The following IL1RAPL1 variants were observed in gnomAD, a reference collection of about 807,000 sequenced individuals.
IL1RAPL1 encodes the protein interleukin-1 receptor accessory protein-like 1.
Under a neutral mutation model 48.4 loss-of-function variants are expected in IL1RAPL1, and 3 were observed. The observed-to-expected ratio is 0.06, with a 90% confidence interval of 0.03 to 0.16. IL1RAPL1 has a LOEUF of 0.16. Ranked by LOEUF, IL1RAPL1 falls within the 10% of genes least tolerant of loss-of-function variation. The pLI is 1.00. For missense variants in IL1RAPL1, 349 were observed against 530.6 expected (o/e 0.66, Z 3.36); for synonymous variants, 185 against 187.7 (o/e 0.99, Z 0.12).
intron 5 of IL1RAPL1, among the ~76,000 whole-genome samples, chrX:29,610,783 G>A (rs994444897): frequency 3.6e-5 from 4 of 112,239 alleles, no homozygotes; most frequent in African/African-American, 9.7e-5. Context: ...TGCAGGAGCC[G>A]GGGCAAGCAC....
intron 6 of IL1RAPL1, among the ~76,000 whole-genome samples, chrX:29,745,067 C>T (rs749903432): frequency 9.0e-4 from 101 of 111,781 alleles, no homozygotes; most frequent in Non-Finnish European, 1.4e-3. Flanking sequence ...ATGAAGGAGA[C>T]TAAATAGACA....
intron 2 of IL1RAPL1, among the ~76,000 whole-genome samples, chrX:28,985,815 T>A (rs961875636): frequency 1.7e-4 from 19 of 109,454 alleles, no homozygotes; most frequent in South Asian, 4.0e-4. Context: ...GCCCGCCACC[T>A]CGCCCGGCTA....
intron 2 of IL1RAPL1, among the ~76,000 whole-genome samples, chrX:28,952,957 T>C (rs1000305998): frequency 1.8e-5 from 2 of 111,776 alleles, no homozygotes; most frequent in African/African-American, 6.5e-5. Flanking sequence ...GTTTTACACA[T>C]TAATGAAAGT....
At chrX:28,974,093 GA>G (rs1320760181) in intron 2 of IL1RAPL1, among the ~76,000 whole-genome samples, 1 of 111,681 alleles carries the variant, frequency 9.0e-6, no homozygotes, top group Admixed American at 9.5e-5. Flanking sequence ...TGCAGAGGGG[GA>G]CCAAGGGCTC....
intron 2 of IL1RAPL1, among the ~76,000 whole-genome samples, chrX:29,111,955 C>T (rs113822340): frequency 1.3e-5 from 1 of 77,848 alleles, no homozygotes; most frequent in African/African-American, 4.8e-5. Context: ...TTTGAGACGG[C>T]GTCTCACTCT....
chrX:29,543,112 C>T (rs1173016500), intron 5 of IL1RAPL1, among the ~76,000 whole-genome samples: 4 of 64,366 alleles, frequency 6.2e-5, no homozygotes, highest in East Asian at 6.7e-4. Flanking sequence ...GCAATCTGTT[C>T]GTTTCTCTCT....
intron 1 of IL1RAPL1, among the ~76,000 whole-genome samples, chrX:28,620,066 G>A (rs1333871890): frequency 9.1e-6 from 1 of 109,996 alleles, no homozygotes; most frequent in Non-Finnish European, 1.9e-5. Flanking sequence ...GCTCTGAGAA[G>A]TCCTGCAGTT....
At chrX:29,664,848 C>G (rs1925955383) in intron 5 of IL1RAPL1, among the ~76,000 whole-genome samples, 1 of 112,128 alleles carries the variant, frequency 8.9e-6, no homozygotes, top group Admixed American at 9.4e-5. Flanking sequence ...TTCATGTGTT[C>G]TGACTTCTAG....
intron 5 of IL1RAPL1, among the ~76,000 whole-genome samples, chrX:29,524,876 A>G: frequency 8.9e-6 from 1 of 112,298 alleles, no homozygotes; most frequent in East Asian, 2.8e-4. Context: ...TAAGATGACT[A>G]TCATTGCCAT....
At chrX:29,393,744 G>A (rs920555596) in intron 3 of IL1RAPL1, among the ~76,000 whole-genome samples, 1 of 107,253 alleles carries the variant, frequency 9.3e-6, no homozygotes, top group African/African-American at 3.4e-5. Flanking sequence ...TTAATTCTGT[G>A]TTCTACAAAT....
intron 6 of IL1RAPL1, among the ~76,000 whole-genome samples, chrX:29,682,585 T>C (rs1204294115): frequency 8.9e-6 from 1 of 112,158 alleles, no homozygotes; most frequent in Non-Finnish European, 1.9e-5. Context: ...TTTGTACATA[T>C]TTTTGTGTGT....
intron 5 of IL1RAPL1, among the ~76,000 whole-genome samples, chrX:29,556,270 A>G (rs191519598): frequency 8.9e-6 from 1 of 112,215 alleles, no homozygotes; most frequent in East Asian, 2.8e-4. Flanking sequence ...TTTTCTCTTG[A>G]ACTATATATG....
chrX:29,091,927 T>A (rs1928099614), intron 2 of IL1RAPL1, among the ~76,000 whole-genome samples: 1 of 111,578 alleles, frequency 9.0e-6, no homozygotes, highest in Non-Finnish European at 1.9e-5. Flanking sequence ...CTGATTTTCT[T>A]AAAGATGGTC....
At chrX:29,051,011 C>A (rs187076889) in intron 2 of IL1RAPL1, among the ~76,000 whole-genome samples, 1 of 112,395 alleles carries the variant, frequency 8.9e-6, no homozygotes, top group East Asian at 2.8e-4. Flanking sequence ...TTAAATAACA[C>A]CATAGAAAAA....
At chrX:29,025,162 A>C (rs1176633231) in intron 2 of IL1RAPL1, among the ~76,000 whole-genome samples, 1 of 112,373 alleles carries the variant, frequency 8.9e-6, no homozygotes, top group African/African-American at 3.2e-5. Context: ...CCTTGCCAAA[A>C]AATATTGCAT....
At chrX:29,160,314 G>T (rs893746524) in intron 2 of IL1RAPL1, among the ~76,000 whole-genome samples, 5 of 111,200 alleles carry the variant, frequency 4.5e-5, no homozygotes, top group African/African-American at 1.6e-4. Context: ...TATTATGTTT[G>T]TTATTTTTAT....
intron 1 of IL1RAPL1, among the ~76,000 whole-genome samples, chrX:28,665,571 A>G (rs1428419792): frequency 9.2e-6 from 1 of 109,029 alleles, no homozygotes; most frequent in Non-Finnish European, 1.9e-5. Context: ...GCTCACTGCA[A>G]CCTCCACCTC....
chrX:29,942,518 TAAAA>T (rs1343713760), intron 9 of IL1RAPL1, among the ~76,000 whole-genome samples: 1 of 110,948 alleles, frequency 9.0e-6, no homozygotes, highest in Admixed American at 9.6e-5. Context: ...CTTATGTTTT[TAAAA>T]AATAACAAAA....
chrX:29,371,453 C>T (rs987065284), intron 3 of IL1RAPL1, among the ~76,000 whole-genome samples: 2 of 111,385 alleles, frequency 1.8e-5, no homozygotes, highest in South Asian at 7.5e-4. Context: ...TTTTAAAAAA[C>T]TAAACTTAGA....
Sources: allele counts gnomAD v4.1 joint callset (sites outside exome capture counted in the v4.1 genomes callset), GRCh38; gene constraint gnomAD v4.1.1; transcripts MANE v1.5; gene names NCBI Gene and HGNC (gene_info 2026-07-23, HGNC 2026-07-21).